The following PPP2R3A variants were observed in gnomAD, a reference collection of about 807,000 sequenced individuals.
PPP2R3A encodes the protein serine/threonine-protein phosphatase 2A regulatory subunit B'' subunit alpha.
PPP2R3A carries 80 observed loss-of-function variants against 106.9 expected under a neutral mutation model. The observed-to-expected ratio is 0.75, with a 90% CI of 0.62 to 0.90. The LOEUF is 0.90. PPP2R3A is among the 40% of genes least tolerant of loss of function. The pLI is 0.00. For missense variants in PPP2R3A, 1,386 were observed against 1,350.4 expected (o/e 1.03, Z -0.41); for synonymous variants, 483 against 468.3 (o/e 1.03, Z -0.41).
At chr3:136,105,694 G>A (rs752673557) in intron 12 of PPP2R3A, among the ~76,000 whole-genome samples, 2 of 152,128 alleles carry the variant, frequency 1.3e-5, no homozygotes, top group African/African-American at 2.4e-5. Context: ...AGCCACGGTG[G>A]CTCACACCTG....
intron 1 of PPP2R3A, among the ~76,000 whole-genome samples, chr3:135,971,595 A>G (rs1260621608): frequency 6.6e-6 from 1 of 152,214 alleles, no homozygotes; most frequent in Admixed American, 6.5e-5. Flanking sequence ...TGAAAACAGG[A>G]ATATCATCTT....
chr3:136,032,780 C>A (rs180906664), intron 3 of PPP2R3A, among the ~76,000 whole-genome samples: 1 of 152,192 alleles, frequency 6.6e-6, no homozygotes, highest in Admixed American at 6.5e-5. Context: ...GTGATCTGCC[C>A]GCCTCGGCCT....
chr3:136,093,611 C>T (rs1195997686), intron 10 of PPP2R3A, among the ~76,000 whole-genome samples: 1 of 152,026 alleles, frequency 6.6e-6, no homozygotes. Context: ...AGATGTTTCT[C>T]CAAAGAAGAT....
rs184538569 is a variant in PPP2R3A at position 136,025,815 on chromosome 3, A to G, written c.1996-1017A>G. ...TCATACTTTATGTAGCATCTAATAC[A>G]GTACCATGCTCATGAGCCTTGATAA... On this transcript the variant is annotated intron_variant, in intron 2 of 13. Coordinates refer to ENST00000264977, the MANE Select transcript of PPP2R3A (RefSeq NM_002718.5). Among the ~76,000 whole-genome samples the G allele has an allele frequency of 1.1e-4, 16 of 152,284 alleles. No homozygotes were observed. In the East Asian group the frequency reaches 3.1e-3, roughly 29 times the overall value.
At chr3:136,084,868 A>G (rs937593151) in intron 8 of PPP2R3A, among the ~76,000 whole-genome samples, 2 of 152,194 alleles carry the variant, frequency 1.3e-5, no homozygotes, top group African/African-American at 4.8e-5. Flanking sequence ...GATTTCTCCC[A>G]TTTGGAACAG....
At chr3:136,089,273 A>G (rs980177096) in intron 9 of PPP2R3A, among the ~76,000 whole-genome samples, 2 of 152,198 alleles carry the variant, frequency 1.3e-5, no homozygotes, top group African/African-American at 4.8e-5. Flanking sequence ...GTAAAAAGTA[A>G]GGGTCTGGTT....
At chr3:136,126,780 C>G (rs971345143) in intron 13 of PPP2R3A, among the ~76,000 whole-genome samples, 1 of 152,096 alleles carries the variant, frequency 6.6e-6, no homozygotes, top group Non-Finnish European at 1.5e-5. Flanking sequence ...CCCTCTAGAA[C>G]GAAGCTTCCA....
At chr3:135,996,030 A>C (rs1449607879) in intron 1 of PPP2R3A, among the ~76,000 whole-genome samples, 1 of 152,104 alleles carries the variant, frequency 6.6e-6, no homozygotes, top group African/African-American at 2.4e-5. Flanking sequence ...GTTTTTTTAC[A>C]ATGGTGTTTT....
chr3:136,085,980 A>G (rs556780382), intron 8 of PPP2R3A, among the ~76,000 whole-genome samples: 1 of 152,138 alleles, frequency 6.6e-6, no homozygotes, highest in South Asian at 2.1e-4. Context: ...AAATACAAAT[A>G]TTAGTCAGAT....
chr3:136,056,641 G>A (rs912598302), intron 5 of PPP2R3A, among the ~76,000 whole-genome samples: 1 of 151,942 alleles, frequency 6.6e-6, no homozygotes, highest in African/African-American at 2.4e-5. Flanking sequence ...AGAAAACATA[G>A]GGGTAAGGCT....
At chr3:136,090,523 A>G (rs1937070335) in intron 9 of PPP2R3A, 55 bp from the exon 10 acceptor site, 1 of 1,420,396 alleles carries the variant, frequency 7.0e-7, no homozygotes, top group African/African-American at 1.4e-5. Flanking sequence ...TATCATCCTG[A>G]TAAATGGTTC....
intron 5 of PPP2R3A, among the ~76,000 whole-genome samples, chr3:136,068,978 A>C (rs932880930): frequency 6.6e-6 from 1 of 152,220 alleles, no homozygotes; most frequent in Admixed American, 6.5e-5. Flanking sequence ...ATGGAGAGAC[A>C]GTCTACAGAA....
intron 13 of PPP2R3A, among the ~76,000 whole-genome samples, chr3:136,130,205 A>G (rs1382241166): frequency 6.6e-6 from 1 of 152,194 alleles, no homozygotes; most frequent in East Asian, 1.9e-4. Flanking sequence ...GTATTCAGAT[A>G]GGAAAAGAGG....
Position 136,002,222 on chromosome 3 carries a change from G to A in PPP2R3A, c.724G>A (p.Asp242Asn), listed in dbSNP as rs1196384708. The change falls in exon 2 of 14, where the codon GAT becomes AAT. Residue 242 changes from aspartate to asparagine, a missense_variant. Physicochemically the swap from Asp to Asn is conservative, Grantham distance 23 (BLOSUM62 1). Coordinates refer to ENST00000264977, the MANE Select transcript of PPP2R3A (RefSeq NM_002718.5). ...GGACATCTTATTGAAATGCTCCGAG[G>A]ATTTAAAAAAATGCACAGACATCAT... ...CLDILLKCSE[D>N]LKKCTDIIKQ... 7 of 1,613,348 alleles carry A rather than the reference G, an allele frequency of 4.3e-6. No homozygotes were observed. The highest frequency in any genetic ancestry group is 2.2e-5 in the South Asian group (2 of 90,970).
intron 5 of PPP2R3A, among the ~76,000 whole-genome samples, chr3:136,049,662 G>A (rs1935611521): frequency 5.3e-5 from 8 of 152,154 alleles, no homozygotes. Flanking sequence ...CCCACCCACA[G>A]CAATCACTGA....
rs185608306 is a variant in PPP2R3A at position 136,096,681 on chromosome 3, T to C, written c.2928-5326T>C. ...TATTGAATATGCAACAGAATATACA[T>C]TTAATTACTGCCTAAGCAATAATGG... On this transcript the variant is annotated intron_variant, in intron 10 of 13. Coordinates refer to ENST00000264977, the MANE Select transcript of PPP2R3A (RefSeq NM_002718.5). 1.0e-3 allele frequency among the ~76,000 whole-genome samples: 154 copies of C among 152,396 alleles called. No individual in the cohort carries two copies. In the Middle Eastern group the frequency reaches 0.01, roughly 10 times the overall value.
chr3:136,001,038 T>A (rs924164799), intron 1 of PPP2R3A, 21 bp from the exon 2 acceptor site: 2 of 383,042 alleles, frequency 5.2e-6, no homozygotes, highest in Non-Finnish European at 9.2e-6. Context: ...AATTTCCTTT[T>A]AATTTTTTTT....
chr3:136,129,950 A>G (rs891566523), intron 13 of PPP2R3A, among the ~76,000 whole-genome samples: 5 of 152,172 alleles, frequency 3.3e-5, no homozygotes, highest in Non-Finnish European at 4.4e-5. Flanking sequence ...AAAGGCCTTC[A>G]ACAAAATTCA....
chr3:136,029,954 A>G (rs370778214), intron 3 of PPP2R3A, among the ~76,000 whole-genome samples: 36 of 152,326 alleles, frequency 2.4e-4, no homozygotes, highest in East Asian at 1.4e-3. Context: ...ACTCATGCCT[A>G]TAATCCCAGG....
Sources: allele counts gnomAD v4.1 joint callset (sites outside exome capture counted in the v4.1 genomes callset), GRCh38; gene constraint gnomAD v4.1.1; transcripts MANE v1.5; gene names NCBI Gene and HGNC (gene_info 2026-07-23, HGNC 2026-07-21).